The following SLC47A1 variants were observed in gnomAD, a reference collection of about 807,000 sequenced individuals.
SLC47A1 encodes solute carrier family 47 member 1.
Under a neutral mutation model 65.8 loss-of-function variants are expected in SLC47A1, and 58 were observed. The observed-to-expected ratio is 0.88, with a 90% CI of 0.71 to 1.10. SLC47A1 has a LOEUF of 1.10. SLC47A1 is among the 50% of genes least tolerant of loss of function. The probability of loss-of-function intolerance (pLI) is 0.00; values close to 1 mark genes in which losing one functional copy is unlikely to be tolerated. For missense variants in SLC47A1, 706 were observed against 719.2 expected, an observed-to-expected ratio of 0.98 and a Z score of 0.21; for synonymous variants, 285 against 295.0, an observed-to-expected ratio of 0.97 and a Z score of 0.35.
At chr17:19,557,582 G>C in intron 10 of SLC47A1, 1 of 516,314 alleles carries the variant, frequency 1.9e-6, no homozygotes, top group Non-Finnish European at 3.9e-6. Context: ...TTCACGGGGC[G>C]ATGCTGCCCT....
chr17:19,568,220 T>G (rs750400707), intron 14 of SLC47A1: 1 of 152,210 alleles, frequency 6.6e-6, no homozygotes, highest in Non-Finnish European at 1.5e-5. Context: ...TATGTTCCTT[T>G]ATGTGGCACA....
chr17:19,546,412 C>G (rs368780305), intron 2 of SLC47A1, 23 bp from the exon 3 acceptor site: 18 of 1,612,410 alleles, frequency 1.1e-5, no homozygotes, highest in Admixed American at 1.7e-5. Context: ...TCTATAGGGC[C>G]TTATCTTTGG....
At chr17:19,555,942 G>A in intron 9 of SLC47A1, 33 bp downstream of exon 9, 1 of 1,614,084 alleles carries the variant, frequency 6.2e-7, no homozygotes, top group Non-Finnish European at 8.5e-7. Context: ...GGGACTGGTG[G>A]GAACCTGGGG....
At chr17:19,565,737 C>G (rs958019247) in intron 12 of SLC47A1, among the ~76,000 whole-genome samples, 1 of 151,896 alleles carries the variant, frequency 6.6e-6, no homozygotes, top group Non-Finnish European at 1.5e-5. Flanking sequence ...CCCGCCACCA[C>G]GCCCGGCTAA....
chr17:19,569,744 C>A (rs966091907), intron 14 of SLC47A1, among the ~76,000 whole-genome samples: 15 of 152,180 alleles, frequency 9.9e-5, no homozygotes, highest in Admixed American at 9.2e-4. Context: ...AAATAGAAAT[C>A]TTTTAAATGA....
chr17:19,574,410 C>T (rs1037976842), intron 16 of SLC47A1, among the ~76,000 whole-genome samples: 16 of 152,174 alleles, frequency 1.1e-4, no homozygotes, highest in African/African-American at 3.9e-4. Context: ...AATGAACTCT[C>T]TGATGTGAAG....
At chr17:19,544,204 G>T (rs1241066803) in intron 2 of SLC47A1, among the ~76,000 whole-genome samples, 1 of 152,118 alleles carries the variant, frequency 6.6e-6, no homozygotes, top group East Asian at 1.9e-4. Context: ...TCAGCTTCCT[G>T]AAGTGCTGGG....
chr17:19,561,350 G>C (rs2084308825), intron 12 of SLC47A1, among the ~76,000 whole-genome samples: 1 of 151,800 alleles, frequency 6.6e-6, no homozygotes, highest in African/African-American at 2.4e-5. Flanking sequence ...TCATTTGCAA[G>C]ATCAGAGGCT....
chr17:19,556,224 G>A (rs2244280), intron 10 of SLC47A1, among the ~76,000 whole-genome samples, 162 bp downstream of exon 10: 31,028 of 152,224 alleles, frequency 0.2, 3,351 homozygotes, highest in East Asian at 0.44. Context: ...CTCTGCTACA[G>A]CTGGATCTTC....
At chr17:19,563,782 A>T (rs931655881) in intron 12 of SLC47A1, among the ~76,000 whole-genome samples, 4 of 151,070 alleles carry the variant, frequency 2.6e-5, no homozygotes, top group Non-Finnish European at 5.9e-5. Context: ...AGGTCAGGAG[A>T]TCGAGACCAT....
At position 19,567,084 on chromosome 17, in the gene SLC47A1, C is replaced by G. The variant is rs772682597; in HGVS notation, c.1177-12C>G. On this transcript the variant is annotated splice_polypyrimidine_tract_variant and intron_variant, in intron 13 of 16. Coordinates refer to ENST00000270570, the MANE Select transcript of SLC47A1 (RefSeq NM_018242.3). ...GATGTGTTCACAGTGATGGAATGCT[C>G]TCTGCCTGCAGTGCACGAGTGGTGG... 1.2e-6 allele frequency: 2 copies of G among 1,614,186 alleles called. No individual in the cohort carries two copies. The highest frequency in any genetic ancestry group is 1.7e-5 in the Admixed American group (1 of 60,028).
At chr17:19,569,440 G>A (rs1315690184) in intron 14 of SLC47A1, among the ~76,000 whole-genome samples, 7 of 152,082 alleles carry the variant, frequency 4.6e-5, no homozygotes, top group South Asian at 4.2e-4. Flanking sequence ...AGAAATGGTG[G>A]GGGCCCTGGG....
chr17:19,562,932 A>G (rs553138039), intron 12 of SLC47A1, among the ~76,000 whole-genome samples: 1 of 152,052 alleles, frequency 6.6e-6, no homozygotes, highest in Non-Finnish European at 1.5e-5. Flanking sequence ...GGCACCTCTA[A>G]CAAATAAAGG....
At position 19,555,710 on chromosome 17, in the gene SLC47A1, C is replaced by T; in HGVS notation, c.739+20C>T. On this transcript the variant is annotated intron_variant, in intron 8 of 16. Transcript: ENST00000270570. ...GGGGAGGTAATGACTGCCCTTTTGT[C>T]TTCCAACTGGGATGTGGGTTTTGTC... is the stretch of plus-strand genomic sequence containing the variant. 1.2e-6 allele frequency: 2 copies of T among 1,613,866 alleles called. No homozygotes were observed. Among genetic ancestry groups the T allele is most frequent in the East Asian group, 2.2e-5 (1 of 44,886 alleles).
chr17:19,552,415 G>C (rs1417067748), intron 6 of SLC47A1, among the ~76,000 whole-genome samples: 2 of 152,144 alleles, frequency 1.3e-5, no homozygotes, highest in African/African-American at 2.4e-5. Flanking sequence ...TCAGAAATAG[G>C]TGTAGACTAG....
intron 1 of SLC47A1, among the ~76,000 whole-genome samples, chr17:19,539,084 T>C (rs1916069203): frequency 6.6e-6 from 1 of 152,094 alleles, no homozygotes; most frequent in Non-Finnish European, 1.5e-5. Flanking sequence ...TTTTTGGTAT[T>C]TTCTGTAGAG....
chr17:19,563,946 G>T (rs1178366384), intron 12 of SLC47A1, among the ~76,000 whole-genome samples: 1 of 151,982 alleles, frequency 6.6e-6, no homozygotes, highest in African/African-American at 2.4e-5. Context: ...CCGAGATTGA[G>T]CCACTGCACC....
At chr17:19,543,093 C>G (rs1916192481) in intron 2 of SLC47A1, among the ~76,000 whole-genome samples, 1 of 140,180 alleles carries the variant, frequency 7.1e-6, no homozygotes, top group Non-Finnish European at 1.5e-5. Flanking sequence ...TGCCCAGCCT[C>G]ACATCATCTT....
intron 6 of SLC47A1, 117 bp downstream of exon 6, chr17:19,551,585 T>C: frequency 1.2e-6 from 1 of 831,170 alleles, no homozygotes; most frequent in Non-Finnish European, 2.0e-6. Flanking sequence ...AGCTCACTGC[T>C]GGGAGCCACT....
Sources: gnomAD v4.1 joint callset for allele counts (sites outside exome capture counted in the v4.1 genomes callset) on GRCh38, gnomAD v4.1.1 for gene constraint, MANE v1.5 for transcripts, NCBI Gene and HGNC (gene_info 2026-07-23, HGNC 2026-07-21) for gene names.